DTX2: variants seen among roughly 807,000 people sequenced by gnomAD.
The protein encoded by DTX2 is probable E3 ubiquitin-protein ligase DTX2.
Under a neutral mutation model 55.3 loss-of-function variants are expected in DTX2, and 29 were observed. That is an observed-to-expected ratio of 0.52 (90% CI 0.39 to 0.71). DTX2 has a LOEUF of 0.71. Among genes scored for constraint, DTX2 ranks in the 30% least tolerant of loss-of-function variants. The probability of loss-of-function intolerance (pLI) is 0.00; values close to 1 mark genes in which losing one functional copy is unlikely to be tolerated. For synonymous variants in DTX2, 276 were observed against 340.4 expected (o/e 0.81, Z 2.08); for missense variants, 537 against 822.5 (o/e 0.65, Z 4.25).
At chr7:76,493,978 A>G (rs1810656315) in intron 5 of DTX2, among the ~76,000 whole-genome samples, 1 of 110,456 alleles carries the variant, frequency 9.1e-6, no homozygotes, top group Non-Finnish European at 2.0e-5. Context: ...GAGAATTTAA[A>G]AATTCTCTGC....
rs1318063176 is a variant in DTX2 at position 76,503,471 on chromosome 7, A to C, written c.1435A>C (p.Lys479Gln). ...CTCCTGCAAAACCATCTATGGAGAGAAGACGGGGACCCAGCCCCAGGGAAA... is the reference window on the plus strand; with the variant it reads ...CTCCTGCAAAACCATCTATGGAGAGCAGACGGGGACCCAGCCCCAGGGAAA... ...CPSCKTIYGEKTGTQPQGKME... is the reference protein window; with the variant it reads ...CPSCKTIYGEQTGTQPQGKME... Residue 479 changes from lysine to glutamine, a missense_variant, in exon 9 of 11, where the codon AAG becomes CAG. Around this residue, in one of 7 missense-constraint regions of DTX2, gnomAD observed 121 missense variants for 136.8 expected, o/e 0.88. Coordinates refer to ENST00000430490, the MANE Select transcript of DTX2 (RefSeq NM_001102594.3). 3.7e-6 allele frequency: 6 copies of C among 1,613,000 alleles called. No homozygotes were observed. The highest frequency in any genetic ancestry group is 5.1e-6 in the Non-Finnish European group (6 of 1,179,944).
chr7:76,468,433 A>T (rs1807425945), intron 2 of DTX2, among the ~76,000 whole-genome samples: 1 of 120,978 alleles, frequency 8.3e-6, no homozygotes, highest in African/African-American at 3.1e-5. Flanking sequence ...CCTCAGCCAA[A>T]TCTGGCCCAC....
chr7:76,489,807 A>C (rs1265450936), intron 4 of DTX2, among the ~76,000 whole-genome samples: 3 of 131,270 alleles, frequency 2.3e-5, no homozygotes, highest in African/African-American at 8.2e-5. Context: ...TGGGCCACAG[A>C]ACGAGACTCT....
chr7:76,482,973 C>T lies in DTX2; in HGVS notation c.734C>T (p.Ala245Val), dbSNP rs149983793. The stretch of plus-strand genomic sequence containing the variant: ...GTGTTTGGGACCCACCAGGCCTTTG[C>T]ACCGTACAACAAACCCTCACTCTCC... ...ASVFGTHQAF[A>V]PYNKPSLSGA... The change falls in exon 4 of 11, where the codon GCA becomes GTA. Residue 245 changes from alanine to valine, a missense_variant. Transcript: ENST00000430490. The T allele has an allele frequency of 1.5e-4, 247 of 1,613,708 alleles. No homozygotes were observed. The African/African-American group carries it at 2.5e-3, about 16-fold the overall frequency.
At chr7:76,472,716 G>A (rs1584138664) in intron 2 of DTX2, among the ~76,000 whole-genome samples, 1 of 150,286 alleles carries the variant, frequency 6.7e-6, no homozygotes, top group Admixed American at 6.6e-5. Flanking sequence ...CAAACAAAAC[G>A]TCTCCTATAT....
At chr7:76,465,311 G>T (rs1413231335) in intron 2 of DTX2, among the ~76,000 whole-genome samples, 3 of 143,140 alleles carry the variant, frequency 2.1e-5, no homozygotes, top group African/African-American at 8.4e-5. Flanking sequence ...GGGAATTGTG[G>T]AGAGGGAGGT....
intron 6 of DTX2, among the ~76,000 whole-genome samples, chr7:76,498,839 T>G (rs1468657328): frequency 8.1e-5 from 8 of 98,634 alleles, no homozygotes; most frequent in East Asian, 6.8e-4. Flanking sequence ...GAGGTGAGGG[T>G]GTGTGGGGTG....
At chr7:76,502,150 T>C (rs1811776025) in intron 7 of DTX2, 148 bp from the exon 8 acceptor site, 1 of 689,760 alleles carries the variant, frequency 1.4e-6, no homozygotes, top group African/African-American at 1.8e-5. Context: ...GTGCTGGGAT[T>C]ACAGGCCTGA....
At chr7:76,471,461 T>A (rs1227407683) in intron 2 of DTX2, among the ~76,000 whole-genome samples, 1 of 150,808 alleles carries the variant, frequency 6.6e-6, no homozygotes, top group East Asian at 2.0e-4. Flanking sequence ...GCGCCCAGCC[T>A]GGTTTCCATT....
At chr7:76,474,404 G>C (rs1362689772) in intron 2 of DTX2, among the ~76,000 whole-genome samples, 1 of 151,856 alleles carries the variant, frequency 6.6e-6, no homozygotes, top group Non-Finnish European at 1.5e-5. Context: ...AAGGGTTTCT[G>C]CTTGTAAAAG....
At chr7:76,478,481 T>C (rs1244551214) in intron 2 of DTX2, among the ~76,000 whole-genome samples, 2 of 147,792 alleles carry the variant, frequency 1.4e-5, no homozygotes, top group African/African-American at 2.6e-5. Context: ...CTTGGGATTA[T>C]AGCTCACTGC....
At chr7:76,471,248 A>G (rs1050312478) in intron 2 of DTX2, among the ~76,000 whole-genome samples, 8 of 129,416 alleles carry the variant, frequency 6.2e-5, no homozygotes, top group African/African-American at 2.4e-4. Flanking sequence ...TGCAAACTCC[A>G]CTTCCTGGGT....
intron 2 of DTX2, among the ~76,000 whole-genome samples, chr7:76,469,920 C>G (rs1426058765): frequency 6.7e-6 from 1 of 149,064 alleles, no homozygotes; most frequent in Non-Finnish European, 1.5e-5. Context: ...TATCCCGCTT[C>G]CCCAGTTGTG....
chr7:76,463,797 A>G (rs1427642261), intron 2 of DTX2, 88 bp downstream of exon 2: 1 of 150,174 alleles, frequency 6.7e-6, no homozygotes, highest in Non-Finnish European at 1.5e-5. Flanking sequence ...TGAGGTCTGC[A>G]GGATAAACGT....
At chr7:76,469,386 G>T in intron 2 of DTX2, among the ~76,000 whole-genome samples, 4 of 137,472 alleles carry the variant, frequency 2.9e-5, no homozygotes, top group Admixed American at 7.7e-5. Flanking sequence ...TTTTTACTGT[G>T]AATATTCCTT....
intron 2 of DTX2, chr7:76,478,130 T>TA (rs1808749755): frequency 6.8e-6 from 1 of 146,108 alleles, no homozygotes; most frequent in Non-Finnish European, 1.5e-5. Flanking sequence ...CCCCCACTGA[T>TA]ACAATCTGGT....
chr7:76,491,320 A>T (rs1367357167), intron 4 of DTX2, among the ~76,000 whole-genome samples: 10 of 123,904 alleles, frequency 8.1e-5, no homozygotes, highest in Middle Eastern at 6.3e-3. Context: ...TTTGAGACGG[A>T]GTCTTGCTCT....
At chr7:76,494,479 G>A (rs1227227676) in intron 5 of DTX2, among the ~76,000 whole-genome samples, 1 of 83,438 alleles carries the variant, frequency 1.2e-5, no homozygotes, top group Admixed American at 1.1e-4. Context: ...TGGGGCTCTC[G>A]CAAGCCTTCG....
At chr7:76,498,810 G>GGGGTGTGTGGGGTGTGTAGAGGTGA (rs1206438298) in intron 6 of DTX2, among the ~76,000 whole-genome samples, 4 of 74,032 alleles carry the variant, frequency 5.4e-5, no homozygotes, top group Admixed American at 1.4e-4. Context: ...GTGGAGGTGT[G>GGGGTGTGTGGGGTGTGTAGAGGTGA]GGGTGTGTGG....
Sources: allele counts gnomAD v4.1 joint callset (sites outside exome capture counted in the v4.1 genomes callset), GRCh38; gene constraint gnomAD v4.1.1; regional missense constraint gnomAD v4.1.1; transcripts MANE v1.5; gene names NCBI Gene and HGNC (gene_info 2026-07-23, HGNC 2026-07-21).